Variants in RPL30 observed in about 807,000 individuals in gnomAD.
RPL30 encodes large ribosomal subunit protein eL30.
For synonymous variants in RPL30, 40 were observed against 50.4 expected (o/e 0.79, Z 0.87); for missense variants, 60 against 138.0 (o/e 0.43, Z 2.83).
chr8:98,044,957 G>A lies in RPL30; in HGVS notation c.153C>T (p.Asn51=), dbSNP rs1814449575. 1.9e-6 allele frequency: 3 copies of A among 1,613,528 alleles called. No homozygotes were observed. The highest frequency in any genetic ancestry group is 1.3e-5 in the African/African-American group (1 of 75,062). Reference sequence around the variant, plus strand: ...TCTTCGATTACCTCAAAGCTGGGCAGTTGTTAGCGAGAATGACCAATTTCG... The same window carrying A: ...TCTTCGATTACCTCAAAGCTGGGCAATTGTTAGCGAGAATGACCAATTTCG... ...GKAKLVILAN[N]CPALRKSEIE... is the part of the protein sequence containing the mutation. The change falls in exon 3 of 5, where the codon AAC becomes AAT. Residue 51 remains asparagine, a synonymous_variant. Transcript: ENST00000287038.
chr8:98,045,519 G>A lies in RPL30; in HGVS notation c.-44C>T, dbSNP rs1197977992. The A allele has an allele frequency of 3.1e-5, 22 of 714,306 alleles. No homozygotes were observed. Among genetic ancestry groups the A allele is most frequent in the Admixed American group, 5.0e-5 (2 of 39,650 alleles). The allele number at this position is 714,306 out of a possible 1,614,324, so 44.2% of individuals were successfully genotyped here. On this transcript the variant is annotated 5_prime_UTR_variant, in exon 1 of 5. Coordinates refer to ENST00000287038, the MANE Select transcript of RPL30 (RefSeq NM_000989.4). ...AGGAGCCCACTCACCAACAGCAGCC[G>A]CTAAGATGGCCGGGGAACGAGAAAG...
At chr8:98,041,983 G>A (rs958046341) in intron 4 of RPL30, 133 bp from the exon 5 acceptor site, 2 of 726,594 alleles carry the variant, frequency 2.8e-6, no homozygotes, top group African/African-American at 1.8e-5. Flanking sequence ...TTTTGCAAAA[G>A]TTATCACATT....
In RPL30 at chr8:98,045,013, G is replaced by C; in HGVS notation, c.97C>G (p.Gln33Glu). Residue 33 changes from glutamine (Q) to glutamate (E), a missense_variant, in exon 3 of 5, where the codon CAG (glutamine) becomes GAG (glutamate). Transcript: ENST00000287038. ...KSGKYVLGYKQTLKMIRQGKA... is the reference protein window; with the variant it reads ...KSGKYVLGYKETLKMIRQGKA... ...CCTTGTCTGATCATCTTCAGAGTCT[G>C]CTTGTACCCCAGGACGTACTTCCCA... The C allele has an allele frequency of 6.2e-7, 1 of 1,614,016 alleles. No individual in the cohort carries two copies. The highest frequency in any genetic ancestry group is 8.5e-7 in the Non-Finnish European group (1 of 1,179,976).
Position 98,045,383 on chromosome 8 carries a change from G to A in RPL30, c.-16C>T. On this transcript the variant is annotated 5_prime_UTR_variant, in exon 2 of 5. Coordinates refer to ENST00000287038, the MANE Select transcript of RPL30 (RefSeq NM_000989.4). ...CGGCCACCATCTTCCTGCCTTAGGA[G>A]CGGGACGGCCCCCAACCTAGAAGAG... The A allele has an allele frequency of 6.2e-7, 1 of 1,614,158 alleles. No homozygotes were observed. Among genetic ancestry groups the A allele is most frequent in the South Asian group, 1.1e-5 (1 of 91,086 alleles).
intron 4 of RPL30, 70 bp from the exon 5 acceptor site, chr8:98,041,920 T>C (rs1414917647): frequency 1.7e-6 from 2 of 1,171,894 alleles, no homozygotes; most frequent in East Asian, 4.7e-5. Context: ...ATAAAATTTC[T>C]CTACCTTTGG....
chr8:98,044,719 C>T, intron 3 of RPL30: 1 of 522,076 alleles, frequency 1.9e-6, no homozygotes. Context: ...TTCACTCCTG[C>T]CACACACACA....
At chr8:98,041,898 G>GTA (rs776381480) in intron 4 of RPL30, 48 bp from the exon 5 acceptor site, 17 of 1,290,930 alleles carry the variant, frequency 1.3e-5, no homozygotes, top group Non-Finnish European at 1.9e-5. Flanking sequence ...TCATTTAATA[G>GTA]CAACTGGTAC....
intron 3 of RPL30, 49 bp from the exon 4 acceptor site, chr8:98,042,824 G>C (rs2130480734): frequency 6.7e-7 from 1 of 1,503,422 alleles, no homozygotes; most frequent in East Asian, 2.4e-5. Flanking sequence ...CCAAGTGACT[G>C]ACAGACTAAA....
At chr8:98,042,417 G>C (rs1053308204) in intron 4 of RPL30, 6 of 478,704 alleles carry the variant, frequency 1.3e-5, no homozygotes, top group African/African-American at 1.2e-4. Context: ...TTCATCAAAT[G>C]AAATTCATTA....
chr8:98,043,363 G>A (rs1005571276), intron 3 of RPL30: 13 of 150,504 alleles, frequency 8.6e-5, no homozygotes, highest in African/African-American at 3.2e-4. Context: ...TGACCTCAAG[G>A]GATCCGCCCG....
chr8:98,044,851 G>C, intron 3 of RPL30, 92 bp downstream of exon 3: 1 of 1,362,370 alleles, frequency 7.3e-7, no homozygotes, highest in South Asian at 1.3e-5. Context: ...AAGTGTTCGA[G>C]TTCATGGTAC....
intron 4 of RPL30, chr8:98,042,261 T>G (rs756442706): frequency 2.0e-6 from 1 of 511,904 alleles, no homozygotes; most frequent in East Asian, 5.1e-5. Flanking sequence ...CAGAATGATG[T>G]AGATTTTTTG....
chr8:98,045,396 C>G lies in RPL30; in HGVS notation c.-29G>C, dbSNP rs1443636514. 1.2e-6 allele frequency: 2 copies of G among 1,614,088 alleles called. No individual in the cohort carries two copies. Among genetic ancestry groups the G allele is most frequent in the East Asian group, 4.5e-5 (2 of 44,876 alleles). On this transcript the variant is annotated 5_prime_UTR_variant, in exon 2 of 5. Transcript: ENST00000287038. ...CCTGCCTTAGGAGCGGGACGGCCCC[C>G]AACCTAGAAGAGACAGAGAACAGGA...
chr8:98,045,414 G>A lies in RPL30; in HGVS notation c.-32-15C>T. 3.1e-6 allele frequency: 5 copies of A among 1,612,772 alleles called. No homozygotes were observed. The highest frequency in any genetic ancestry group is 1.1e-5 in the South Asian group (1 of 91,032). Reference sequence around the variant, plus strand: ...CGGCCCCCAACCTAGAAGAGACAGAGAACAGGACAGGAATTTTAGGATCCG... The same window carrying A: ...CGGCCCCCAACCTAGAAGAGACAGAAAACAGGACAGGAATTTTAGGATCCG... On this transcript the variant is annotated splice_polypyrimidine_tract_variant and intron_variant, in intron 1 of 4. Coordinates refer to ENST00000287038, the MANE Select transcript of RPL30 (RefSeq NM_000989.4).
chr8:98,045,173 C>A, intron 2 of RPL30, 85 bp from the exon 3 acceptor site: 3 of 1,566,700 alleles, frequency 1.9e-6, no homozygotes, highest in Non-Finnish European at 2.6e-6. Context: ...AGCCGAGCCC[C>A]TTAAACTTCC....
chr8:98,045,301 A>C, intron 2 of RPL30, 46 bp downstream of exon 2: 3 of 1,613,712 alleles, frequency 1.9e-6, no homozygotes, highest in Non-Finnish European at 2.5e-6. Flanking sequence ...TGGCCAAGAC[A>C]TCTCTCCACG....
Position 98,045,523 on chromosome 8 carries a change from AG to A in RPL30, c.-49del. On this transcript the variant is annotated 5_prime_UTR_variant, in exon 1 of 5. Coordinates refer to ENST00000287038, the MANE Select transcript of RPL30 (RefSeq NM_000989.4). ...GCCCACTCACCAACAGCAGCCGCTA[AG>A]ATGGCCGGGGAACGAGAAAGGAAAG... 1.4e-6 allele frequency: 1 copy of A among 709,164 alleles called. No individual in the cohort carries two copies. Among genetic ancestry groups the A allele is most frequent in the African/African-American group, 1.8e-5 (1 of 56,282 alleles). The allele number at this position is 709,164 out of a possible 1,614,324, so 43.9% of individuals were successfully genotyped here. A position where few individuals can be genotyped will look rare whatever the true frequency, so the allele number is the denominator to read the frequency against.
intron 3 of RPL30, chr8:98,043,431 CTTTTTTT>C (rs533167121): frequency 7.2e-6 from 1 of 138,632 alleles, no homozygotes; most frequent in Non-Finnish European, 1.5e-5. Context: ...CAGCCCTATT[CTTTTTTT>C]TTTTTTTTAA....
chr8:98,042,016 A>T, intron 4 of RPL30, 166 bp from the exon 5 acceptor site: 1 of 719,142 alleles, frequency 1.4e-6, no homozygotes, highest in Non-Finnish European at 2.5e-6. Flanking sequence ...ATTTTTCTTA[A>T]GGTTGACCAA....
Sources: allele counts gnomAD v4.1 joint callset, GRCh38; gene constraint gnomAD v4.1.1; transcripts MANE v1.5; gene names NCBI Gene and HGNC (gene_info 2026-07-23, HGNC 2026-07-21).